The following SFPQ variants were observed in gnomAD, a reference collection of about 807,000 sequenced individuals.
The protein encoded by SFPQ is splicing factor, proline- and glutamine-rich.
In SFPQ, 11 loss-of-function variants were observed where a neutral mutation model predicts 72.9. The ratio of observed to expected loss-of-function variants is 0.15; its 90% confidence interval spans 0.09 to 0.25. The LOEUF is 0.25. Among genes scored for constraint, SFPQ ranks in the 10% least tolerant of loss-of-function variants. The probability of loss-of-function intolerance (pLI) is 1.00; values close to 1 mark genes in which losing one functional copy is unlikely to be tolerated. For synonymous variants in SFPQ, 506 were observed against 367.3 expected (o/e 1.38, Z -4.32); for missense variants, 847 against 993.3 (o/e 0.85, Z 1.98).
downstream of SFPQ, chr1:35,182,858 CTACTT>C (rs1211497180): frequency 1.8e-5 from 19 of 1,046,620 alleles, no homozygotes; most frequent in African/African-American, 1.5e-4. Context: ...AATAAACAAT[CTACTT>C]TAATAGTCAA....
chr1:35,179,940 A>G, downstream of SFPQ: 1 of 1,054,786 alleles, frequency 9.5e-7, no homozygotes, highest in Non-Finnish European at 1.1e-6. Context: ...AATATTGAGC[A>G]TTATACTTGA....
downstream of SFPQ, chr1:35,181,281 C>A: frequency 9.4e-7 from 1 of 1,065,622 alleles, no homozygotes; most frequent in Non-Finnish European, 1.1e-6. Context: ...CAGGCCACTA[C>A]TTTAATAGTG....
In SFPQ at chr1:35,183,158, G is replaced by A. The variant is rs531931060; in HGVS notation, c.*1298C>T. On this transcript the variant is annotated 3_prime_UTR_variant, in exon 10 of 10. Coordinates refer to ENST00000357214, the MANE Select transcript of SFPQ (RefSeq NM_005066.3). Reference sequence around the variant, plus strand: ...CTATAGATTTTGCCCAACAGAAGTAGCACAAGGAGATGTAAAAGTTACAGA... The same window carrying A: ...CTATAGATTTTGCCCAACAGAAGTAACACAAGGAGATGTAAAAGTTACAGA... 2 of 1,023,602 alleles carry A rather than the reference G, an allele frequency of 2.0e-6. No homozygotes were observed. The highest frequency in any genetic ancestry group is 5.8e-5 in the Admixed American group (1 of 17,228). The allele number at this position is 1,023,602 out of a possible 1,614,324, so 63.4% of individuals were successfully genotyped here. A position where few individuals can be genotyped will look rare whatever the true frequency, so the allele number is the denominator to read the frequency against.
downstream of SFPQ, chr1:35,178,968 A>T (rs1639359907): frequency 9.5e-7 from 1 of 1,053,920 alleles, no homozygotes; most frequent in Non-Finnish European, 1.1e-6. Context: ...GCAACTGTTG[A>T]GATTTCCAGT....
In SFPQ at chr1:35,184,229, C is replaced by T. The variant is rs1161630431; in HGVS notation, c.*227G>A. The T allele has an allele frequency of 1.5e-6, 2 of 1,292,914 alleles. No homozygotes were observed. Among genetic ancestry groups the T allele is most frequent in the Non-Finnish European group, 9.7e-7 (1 of 1,026,196 alleles). The allele number at this position is 1,292,914 out of a possible 1,614,324, so 80.1% of individuals were successfully genotyped here. A position where few individuals can be genotyped will look rare whatever the true frequency, so the allele number is the denominator to read the frequency against. On this transcript the variant is annotated 3_prime_UTR_variant, in exon 10 of 10. Transcript: ENST00000357214. ...TGCCATAAACTTGAGGGACATTATA[C>T]AGTAAAAAAGAAAAAATAAAGAAAT...
rs200695283 is a variant in SFPQ at position 35,190,713 on chromosome 1, C to T, written c.1300G>A (p.Gly434Ser). The change falls in exon 3 of 10, where the codon GGT (glycine) becomes AGT (serine). Residue 434 changes from glycine to serine, a missense_variant. By Grantham distance (56) the Gly-to-Ser change is moderately conservative. Transcript: ENST00000357214. Reference sequence around the variant, plus strand: ...ACTTACGTCGTCAGTAAGAAAACACCTTCACTGCATCGTTCAAATGCCTTT... The same window carrying T: ...ACTTACGTCGTCAGTAAGAAAACACTTTCACTGCATCGTTCAAATGCCTTT... ...ARKAFERCSEGVFLLTTTPRP... is the reference protein window; with the variant it reads ...ARKAFERCSESVFLLTTTPRP... 5.0e-6 allele frequency: 8 copies of T among 1,613,970 alleles called. No individual in the cohort carries two copies. Among genetic ancestry groups the T allele is most frequent in the African/African-American group, 2.7e-5 (2 of 75,022 alleles).
downstream of SFPQ, chr1:35,178,858 T>C: frequency 9.6e-6 from 10 of 1,046,594 alleles, no homozygotes; most frequent in Non-Finnish European, 1.2e-5. Flanking sequence ...CATTGTCCTA[T>C]CTTAAGTCCA....
intron 5 of SFPQ, among the ~76,000 whole-genome samples, chr1:35,176,814 C>A (rs556424224): frequency 6.7e-6 from 1 of 149,032 alleles, no homozygotes; most frequent in Non-Finnish European, 1.5e-5. Context: ...GCGGAGCTTG[C>A]GGTGAGCCAA....
At chr1:35,178,091 T>A, downstream of SFPQ, 2 of 1,227,914 alleles carry the variant, frequency 1.6e-6, no homozygotes, top group Non-Finnish European at 2.1e-6. Context: ...AAATAAAGGT[T>A]TGAAAATGCT....
chr1:35,180,117 G>T, downstream of SFPQ: 1 of 1,048,922 alleles, frequency 9.5e-7, no homozygotes, highest in East Asian at 5.5e-5. Context: ...TTGATACACA[G>T]AAGAAAAGTC....
In SFPQ at chr1:35,184,161, A is replaced by G. The variant is rs1280460651; in HGVS notation, c.*295T>C. 6.9e-6 allele frequency: 8 copies of G among 1,160,620 alleles called. No homozygotes were observed. Among genetic ancestry groups the G allele is most frequent in the African/African-American group, 4.8e-5 (3 of 62,122 alleles). 71.9% of individuals were successfully genotyped at this position (1,160,620 alleles called of 1,614,324 possible). On this transcript the variant is annotated 3_prime_UTR_variant, in exon 10 of 10. Coordinates refer to ENST00000357214, the MANE Select transcript of SFPQ (RefSeq NM_005066.3). The stretch of plus-strand genomic sequence containing the variant: ...ATTTATTTGAAGCACAGTAAAAAAA[A>G]AAAAATTGGTACACTTTGGAAATTC...
intron 7 of SFPQ, among the ~76,000 whole-genome samples, chr1:35,187,768 CA>C (rs773982690): frequency 1.3e-5 from 2 of 151,004 alleles, no homozygotes; most frequent in African/African-American, 4.9e-5. Flanking sequence ...CAAAACAAAA[CA>C]AAAAAACCAA....
intron 1 of SFPQ, 121 bp downstream of exon 1, chr1:35,192,101 C>G: frequency 3.7e-6 from 3 of 812,118 alleles, no homozygotes; most frequent in Non-Finnish European, 1.6e-6. Context: ...GCCCCCGCAG[C>G]GGCGCGCGCA....
At chr1:35,186,887 G>A (rs1335265705) in intron 9 of SFPQ, 114 bp downstream of exon 9, 9 of 1,021,148 alleles carry the variant, frequency 8.8e-6, no homozygotes, top group African/African-American at 1.6e-5. Context: ...ATTGGTAGGG[G>A]AAACTAAAAG....
In SFPQ at chr1:35,189,058, G is replaced by A; in HGVS notation, c.1642C>T (p.Arg548Cys). 1.2e-6 allele frequency: 2 copies of A among 1,612,920 alleles called. No homozygotes were observed. Among genetic ancestry groups the A allele is most frequent in the Non-Finnish European group, 1.7e-6 (2 of 1,179,862 alleles). Residue 548 changes from arginine to cysteine, a missense_variant, in exon 6 of 10, where the codon CGC becomes TGC. Physicochemically the swap from Arg to Cys is radical, Grantham distance 180 (BLOSUM62 -3). Coordinates refer to ENST00000357214, the MANE Select transcript of SFPQ (RefSeq NM_005066.3). ...DLMRRQEELR[R>C]MEELHNQEMQ... ...TCTTGATTGTGAAGTTCTTCCATGCGTCTTAATTCTTCCTGTCGTCTCATC... is the reference window on the plus strand; with the variant it reads ...TCTTGATTGTGAAGTTCTTCCATGCATCTTAATTCTTCCTGTCGTCTCATC...
chr1:35,184,418 AAAC>A lies in SFPQ; in HGVS notation c.*35_*37del, dbSNP rs777123036. ...TTAAAAGATTGGTATCTAAACAAAA[AAAC>A]AAAACAAACTGGAATGAAAGCCTAA... is the stretch of plus-strand genomic sequence containing the variant. On this transcript the variant is annotated 3_prime_UTR_variant, in exon 10 of 10. Transcript: ENST00000357214. 1.3e-6 allele frequency: 2 copies of A among 1,592,956 alleles called. No individual in the cohort carries two copies. Among genetic ancestry groups the A allele is most frequent in the East Asian group, 4.5e-5 (2 of 44,362 alleles).
At chr1:35,179,048 A>G, downstream of SFPQ, 1 of 1,059,032 alleles carries the variant, frequency 9.4e-7, no homozygotes. Context: ...AAATCCTCTG[A>G]ATTCTTTCCC....
In SFPQ at chr1:35,189,251, T is replaced by C. The variant is rs1318099605; in HGVS notation, c.1547A>G (p.Lys516Arg). ...EQVEKNMKDA[K>R]DKLESEMEDA... is the part of the protein sequence containing the mutation. Reference sequence around the variant, plus strand: ...TTCCATTTCACTTTCCAATTTGTCTTTTGCATCTTTCATGTTTTTTTCAAC... The same window carrying C: ...TTCCATTTCACTTTCCAATTTGTCTCTTGCATCTTTCATGTTTTTTTCAAC... Residue 516 changes from lysine to arginine, a missense_variant, in exon 5 of 10, where the codon AAA (lysine) becomes AGA (arginine). Lys to Arg is a conservative substitution (Grantham distance 26). Around this residue, in one of 6 missense-constraint regions of SFPQ, gnomAD observed 132 missense variants for 255.4 expected, o/e 0.52. Transcript: ENST00000357214. The C allele has an allele frequency of 1.2e-6, 2 of 1,613,830 alleles. No homozygotes were observed. Among genetic ancestry groups the C allele is most frequent in the Non-Finnish European group, 1.7e-6 (2 of 1,179,774 alleles).
At chr1:35,179,984 C>CTA, downstream of SFPQ, 1 of 1,050,722 alleles carries the variant, frequency 9.5e-7, no homozygotes, top group Non-Finnish European at 1.2e-6. Flanking sequence ...AGAGGCTAAA[C>CTA]TAGTCATCAT....
Sources: allele counts gnomAD v4.1 joint callset (sites outside exome capture counted in the v4.1 genomes callset), GRCh38; gene constraint gnomAD v4.1.1; regional missense constraint gnomAD v4.1.1; transcripts MANE v1.5; gene names NCBI Gene and HGNC (gene_info 2026-07-23, HGNC 2026-07-21).